REEP4: variants seen among roughly 807,000 people sequenced by gnomAD.
REEP4 encodes the protein receptor accessory protein 4, also known as receptor expression-enhancing protein 4.
Under a neutral mutation model 33.5 loss-of-function variants are expected in REEP4, and 17 were observed. That is an observed-to-expected ratio of 0.51 (90% CI 0.35 to 0.76). The LOEUF (loss-of-function observed/expected upper bound fraction) is 0.76. Ranked by LOEUF, REEP4 falls within the 30% of genes least tolerant of loss-of-function variation. The pLI is 0.01. For missense variants in REEP4, 340 were observed against 357.9 expected, an observed-to-expected ratio of 0.95 and a Z score of 0.40; for synonymous variants, 157 against 142.9, an observed-to-expected ratio of 1.10 and a Z score of -0.70.
At chr8:22,139,275 C>G in intron 5 of REEP4, 141 bp downstream of exon 5, 1 of 926,984 alleles carries the variant, frequency 1.1e-6, no homozygotes, top group Non-Finnish European at 1.7e-6. Flanking sequence ...CAGCTCCACG[C>G]TTCTGCCAAT....
chr8:22,139,357 A>C (rs1256540351), intron 5 of REEP4, 59 bp downstream of exon 5: 1 of 1,412,192 alleles, frequency 7.1e-7, no homozygotes, highest in South Asian at 1.2e-5. Flanking sequence ...GAGCTGAATG[A>C]GCCCAAAGGG....
chr8:22,138,355 C>T lies in REEP4; in HGVS notation c.*132G>A. 9.4e-7 allele frequency: 1 copy of T among 1,059,582 alleles called. No individual in the cohort carries two copies. The highest frequency in any genetic ancestry group is 1.6e-5 in the African/African-American group (1 of 64,118). 65.6% of individuals were successfully genotyped at this position (1,059,582 alleles called of 1,614,324 possible). On this transcript the variant is annotated 3_prime_UTR_variant, in exon 8 of 8. Transcript: ENST00000306306. ...GCAGCATCTGCTCCCGGCCCTTAAC[C>T]ATCAGCAGGAGTCAGGAGGGTGGGG...
At chr8:22,141,146 G>C (rs548852923) in intron 1 of REEP4, among the ~76,000 whole-genome samples, 1 of 152,360 alleles carries the variant, frequency 6.6e-6, no homozygotes, top group African/African-American at 2.4e-5. Context: ...CGCCCACAAC[G>C]TGCCATATCA....
rs750642264 is a variant in REEP4 at position 22,140,817 on chromosome 8, CT to C, written c.33-121del. ...TACCCGCCCTGTTTTTCTCGCTTGG[CT>C]TGTACAACCCGTGCCTGAGTCAGAG... On this transcript the variant is annotated intron_variant, in intron 1 of 7. Coordinates refer to ENST00000306306, the MANE Select transcript of REEP4 (RefSeq NM_025232.4). The C allele has an allele frequency of 8.7e-5, 71 of 819,160 alleles. No individual in the cohort carries two copies. In the Middle Eastern group the frequency reaches 1.1e-3, roughly 12 times the overall value. The allele number at this position is 819,160 out of a possible 1,614,324, so 50.7% of individuals were successfully genotyped here.
In REEP4 at chr8:22,141,527, AG is replaced by A. The variant is rs746362403; in HGVS notation, c.-46del. ...TGGGGAGGACCCCAGGAAGCCGCTCAGAAGGACGTTCACTCAAGGGCTGGGA... is the reference window on the plus strand; with the variant it reads ...TGGGGAGGACCCCAGGAAGCCGCTCAAAGGACGTTCACTCAAGGGCTGGGA... On this transcript the variant is annotated 5_prime_UTR_variant, in exon 1 of 8. Coordinates refer to ENST00000306306, the MANE Select transcript of REEP4 (RefSeq NM_025232.4). The A allele has an allele frequency of 4.4e-6, 7 of 1,580,438 alleles. No homozygotes were observed.
At chr8:22,139,685 G>A in intron 4 of REEP4, 156 bp from the exon 5 acceptor site, 3 of 706,872 alleles carry the variant, frequency 4.2e-6, no homozygotes, top group Non-Finnish European at 6.9e-6. Context: ...CAGACCAAGA[G>A]CAGGGCTGCC....
At chr8:22,139,916 C>T (rs768461315) in intron 4 of REEP4, 47 bp downstream of exon 4, 4 of 1,552,288 alleles carry the variant, frequency 2.6e-6, no homozygotes, top group East Asian at 4.9e-5. Flanking sequence ...GGGCTCTTTC[C>T]CTCATACCCA....
In REEP4 at chr8:22,140,540, C is replaced by T. The variant is rs1827212888; in HGVS notation, c.105+85G>A. Reference sequence around the variant, plus strand: ...CTCCACTCAGGATGTGCCACACAGCCTTGCCCCTGGAGGAGGGAGAGGCCA... The same window carrying T: ...CTCCACTCAGGATGTGCCACACAGCTTTGCCCCTGGAGGAGGGAGAGGCCA... On this transcript the variant is annotated intron_variant, in intron 2 of 7. Coordinates refer to ENST00000306306, the MANE Select transcript of REEP4 (RefSeq NM_025232.4). The T allele has an allele frequency of 3.3e-6, 4 of 1,207,654 alleles. No homozygotes were observed. The South Asian group carries it at 5.4e-5, about 16-fold the overall frequency. 74.8% of individuals were successfully genotyped at this position (1,207,654 alleles called of 1,614,324 possible). A position where few individuals can be genotyped will look rare whatever the true frequency, so the allele number is the denominator to read the frequency against.
At chr8:22,138,841 C>A (rs1437141798) in intron 6 of REEP4, 48 bp from the exon 7 acceptor site, 1 of 1,563,626 alleles carries the variant, frequency 6.4e-7, no homozygotes, top group Non-Finnish European at 8.6e-7. Context: ...CAGGCCAGCC[C>A]TTCCTCGAGC....
rs748231480 is a variant in REEP4 at position 22,140,618 on chromosome 8, C to G, written c.105+7G>C. ...CCTATTAAACACACCCAAACCCCCA[C>G]GCTCACATATTCACGAATGTTCTTG... On this transcript the variant is annotated splice_region_variant and intron_variant, in intron 2 of 7. Coordinates refer to ENST00000306306, the MANE Select transcript of REEP4 (RefSeq NM_025232.4). 1 of 1,612,686 alleles carries G rather than the reference C, an allele frequency of 6.2e-7. No individual in the cohort carries two copies. Among genetic ancestry groups the G allele is most frequent in the South Asian group, 1.1e-5 (1 of 90,914 alleles).
intron 1 of REEP4, 31 bp from the exon 2 acceptor site, chr8:22,140,728 G>A: frequency 1.9e-6 from 3 of 1,581,834 alleles, no homozygotes; most frequent in African/African-American, 1.3e-5. Context: ...AGTGTGAGGG[G>A]CACCATGCCC....
Position 22,138,300 on chromosome 8 carries a change from A to G in REEP4, c.*187T>C. On this transcript the variant is annotated 3_prime_UTR_variant, in exon 8 of 8. Coordinates refer to ENST00000306306, the MANE Select transcript of REEP4 (RefSeq NM_025232.4). ...CCCTGGGCCCAGCCTGCTTTGGTACATTGTGGGTGCATCCCTGCATGTGGC... is the reference window on the plus strand; with the variant it reads ...CCCTGGGCCCAGCCTGCTTTGGTACGTTGTGGGTGCATCCCTGCATGTGGC... The G allele has an allele frequency of 5.6e-6, 3 of 534,674 alleles. No individual in the cohort carries two copies. Among genetic ancestry groups the G allele is most frequent in the East Asian group, 6.7e-5 (2 of 29,832 alleles). 33.1% of individuals were successfully genotyped at this position (534,674 alleles called of 1,614,324 possible).
intron 7 of REEP4, 33 bp from the exon 8 acceptor site, chr8:22,138,585 G>A (rs767186229): frequency 6.2e-7 from 1 of 1,613,780 alleles, no homozygotes; most frequent in African/African-American, 1.3e-5. Context: ...ATGAGGGTGT[G>A]GGGAGCACCA....
At chr8:22,139,216 G>C in intron 5 of REEP4, 155 bp from the exon 6 acceptor site, 1 of 1,102,386 alleles carries the variant, frequency 9.1e-7, no homozygotes, top group Middle Eastern at 1.9e-4. Flanking sequence ...CAGAGAGCAG[G>C]AGCCGCTGCT....
rs751821626 is a variant in REEP4 at position 22,138,715 on chromosome 8, G to A, written c.632C>T (p.Pro211Leu). 1.2e-6 allele frequency: 2 copies of A among 1,612,750 alleles called. No individual in the cohort carries two copies. The highest frequency in any genetic ancestry group is 1.7e-5 in the Admixed American group (1 of 59,648). ...WSDTEAVPRAPARPREKPLIR... is the reference protein window; with the variant it reads ...WSDTEAVPRALARPREKPLIR... Reference sequence around the variant, plus strand: ...TAGGGGCTTCTCTCGGGGCCGGGCTGGCGCCCGGGGGACTGCCTCAGTATC... The same window carrying A: ...TAGGGGCTTCTCTCGGGGCCGGGCTAGCGCCCGGGGGACTGCCTCAGTATC... The change falls in exon 7 of 8, where the codon CCA becomes CTA. Residue 211 changes from proline (P) to leucine (L), a missense_variant. Pro to Leu is a moderately conservative substitution (Grantham distance 98). Transcript: ENST00000306306.
chr8:22,140,385 C>T, intron 2 of REEP4, 137 bp from the exon 3 acceptor site: 1 of 949,066 alleles, frequency 1.1e-6, no homozygotes, highest in Non-Finnish European at 1.7e-6. Flanking sequence ...GACAGGAGCT[C>T]TGAGAAACTG....
At chr8:22,138,842 T>C in intron 6 of REEP4, 49 bp from the exon 7 acceptor site, 1 of 1,563,126 alleles carries the variant, frequency 6.4e-7, no homozygotes, top group Non-Finnish European at 8.6e-7. Flanking sequence ...AGGCCAGCCC[T>C]TCCTCGAGCC....
chr8:22,139,167 T>C (rs1343157369), intron 5 of REEP4, 106 bp from the exon 6 acceptor site: 4 of 1,459,072 alleles, frequency 2.7e-6, no homozygotes, highest in Non-Finnish European at 3.7e-6. Flanking sequence ...AGCAAGCTTC[T>C]GGCCCCGCGC....
chr8:22,139,941 T>C (rs1363973117), intron 4 of REEP4, 22 bp downstream of exon 4: 9 of 1,567,276 alleles, frequency 5.7e-6, no homozygotes, highest in Non-Finnish European at 7.8e-6. Context: ...TAAGCCTCCC[T>C]TCCCGCTTCC....
Sources: allele counts gnomAD v4.1 joint callset (sites outside exome capture counted in the v4.1 genomes callset), GRCh38; gene constraint gnomAD v4.1.1; transcripts MANE v1.5; gene names NCBI Gene and HGNC (gene_info 2026-07-23, HGNC 2026-07-21).